The following RHOBTB1 variants were observed in gnomAD, a reference collection of about 807,000 sequenced individuals.
RHOBTB1 encodes rho-related BTB domain-containing protein 1.
A neutral mutation model predicts 71.6 loss-of-function variants in RHOBTB1; 40 were observed. The observed-to-expected ratio is 0.56, with a 90% CI of 0.43 to 0.73. The LOEUF (loss-of-function observed/expected upper bound fraction) is 0.73, where lower values mean the gene tolerates loss of function less well. RHOBTB1 is among the 30% of genes least tolerant of loss of function. The probability of loss-of-function intolerance (pLI) is 0.00; values close to 1 mark genes in which losing one functional copy is unlikely to be tolerated. For missense variants in RHOBTB1, 797 were observed against 894.0 expected (o/e 0.89, Z 1.38); for synonymous variants, 319 against 334.9 (o/e 0.95, Z 0.52).
intron 2 of RHOBTB1, among the ~76,000 whole-genome samples, chr10:60,922,772 G>A (rs1438039418): frequency 6.6e-6 from 1 of 152,182 alleles, no homozygotes; most frequent in Admixed American, 6.5e-5. Flanking sequence ...AGAGAACAAA[G>A]TATGGAAAAA....
chr10:60,893,166 C>T (rs2082005196), intron 4 of RHOBTB1, among the ~76,000 whole-genome samples, 171 bp from the exon 5 acceptor site: 1 of 151,614 alleles, frequency 6.6e-6, no homozygotes, highest in Non-Finnish European at 1.5e-5. Flanking sequence ...GCCTGATAAG[C>T]CCCCACATTC....
At chr10:60,981,661 A>G (rs1028534610) in intron 2 of RHOBTB1, among the ~76,000 whole-genome samples, 3 of 152,194 alleles carry the variant, frequency 2.0e-5, no homozygotes, top group Admixed American at 2.0e-4. Context: ...TTTCTGAGCC[A>G]TTTGTCCAAA....
chr10:60,915,175 G>A (rs1053963921), intron 2 of RHOBTB1, among the ~76,000 whole-genome samples: 7 of 152,110 alleles, frequency 4.6e-5, no homozygotes, highest in African/African-American at 1.7e-4. Flanking sequence ...TTAAATTATG[G>A]TAGTAATTAT....
intron 2 of RHOBTB1, among the ~76,000 whole-genome samples, chr10:60,927,210 C>CA (rs2083936878): frequency 6.6e-6 from 1 of 152,032 alleles, no homozygotes; most frequent in African/African-American, 2.4e-5. Context: ...ATTAAGGACA[C>CA]AAAAAATGGA....
In RHOBTB1 at chr10:60,892,854, A is replaced by C. The variant is rs1410985860; in HGVS notation, c.438T>G (p.Tyr146Ter). The stretch of plus-strand genomic sequence containing the variant: ...CTCGATTAACAGCTTCCAGGTCGGC[A>C]TAGCGGAGATCAAGCTGGCACCCAA... ...ILVGCQLDLR[Y>*]ADLEAVNRAR... The change falls in exon 5 of 11, where the codon TAT (tyrosine) becomes TAG (stop). Residue 146 changes from tyrosine (Y) to a stop codon, truncating the protein, a stop_gained. Coordinates refer to ENST00000337910, the MANE Select transcript of RHOBTB1 (RefSeq NM_014836.5). LOFTEE classifies it high-confidence loss of function. The C allele has an allele frequency of 6.2e-7, 1 of 1,613,878 alleles. No homozygotes were observed. Among genetic ancestry groups the C allele is most frequent in the East Asian group, 2.2e-5 (1 of 44,886 alleles).
intron 2 of RHOBTB1, among the ~76,000 whole-genome samples, chr10:60,975,619 C>G (rs551734731): frequency 6.6e-6 from 1 of 152,138 alleles, no homozygotes; most frequent in South Asian, 2.1e-4. Context: ...TAACATTCTC[C>G]ACGTGCTGTT....
At chr10:60,909,029 T>G (rs2082828529) in intron 4 of RHOBTB1, among the ~76,000 whole-genome samples, 1 of 152,158 alleles carries the variant, frequency 6.6e-6, no homozygotes, top group South Asian at 2.1e-4. Flanking sequence ...AGCAGAACAA[T>G]GCACTTTGAA....
upstream of RHOBTB1, among the ~76,000 whole-genome samples, chr10:60,946,113 G>T (rs1565106420): frequency 6.6e-6 from 1 of 151,924 alleles, no homozygotes; most frequent in South Asian, 2.1e-4. Flanking sequence ...GGGAGGCGGA[G>T]GTTGCAGTGA....
At position 60,964,736 on chromosome 10, in the gene RHOBTB1, T is replaced by C. The variant is rs536826758; in HGVS notation, c.-62+21109A>G. ...TTTTAGTCTTTCTTAATGAAGTTAG[T>C]TTGTATAGAGAAAAATATGCGAAAA... On this transcript the variant is annotated intron_variant, in intron 2 of 11. Coordinates refer to the RHOBTB1 transcript ENST00000357917. Among the ~76,000 whole-genome samples the C allele has an allele frequency of 2.6e-5, 4 of 152,184 alleles. No individual in the cohort carries two copies. In the South Asian group the frequency reaches 8.3e-4, roughly 32 times the overall value.
At chr10:60,996,501 C>A (rs1163918959) in intron 1 of RHOBTB1, among the ~76,000 whole-genome samples, 1 of 152,156 alleles carries the variant, frequency 6.6e-6, no homozygotes, top group Non-Finnish European at 1.5e-5. Flanking sequence ...GCCTCGCTGT[C>A]CACCATTGTA....
At chr10:60,867,629 A>G (rs2080642121), downstream of RHOBTB1, among the ~76,000 whole-genome samples, 1 of 152,238 alleles carries the variant, frequency 6.6e-6, no homozygotes, top group African/African-American at 2.4e-5. Context: ...TTCATATTTC[A>G]TAGACTACAG....
At chr10:60,904,304 T>C (rs921295346) in intron 4 of RHOBTB1, among the ~76,000 whole-genome samples, 12 of 152,182 alleles carry the variant, frequency 7.9e-5, no homozygotes, top group African/African-American at 2.9e-4. Flanking sequence ...CAAATTTGCA[T>C]ATTTATTGTT....
chr10:60,947,852 G>T (rs1046805015), upstream of RHOBTB1, among the ~76,000 whole-genome samples: 1 of 152,168 alleles, frequency 6.6e-6, no homozygotes, highest in Non-Finnish European at 1.5e-5. Context: ...GAATACTGAA[G>T]AATGCAATTG....
At chr10:60,931,707 G>A (rs2084266436) in intron 2 of RHOBTB1, among the ~76,000 whole-genome samples, 1 of 151,916 alleles carries the variant, frequency 6.6e-6, no homozygotes, top group Admixed American at 6.6e-5. Flanking sequence ...AAAACTATAT[G>A]TATATATAAA....
In RHOBTB1 at chr10:60,904,946, T is replaced by A. The variant is rs112210848; in HGVS notation, c.296+5941A>T. 7.8e-3 allele frequency among the ~76,000 whole-genome samples: 1,191 copies of A among 152,334 alleles called. 11 individuals are homozygous for A. The highest frequency in any genetic ancestry group is 0.027 in the African/African-American group (1,139 of 41,586). On this transcript the variant is annotated intron_variant, in intron 4 of 10. Transcript: ENST00000337910. The stretch of plus-strand genomic sequence containing the variant: ...CCAGTAATAATTTTCCAAGACCTCT[T>A]GGTACCATATATTTAAAAGTGTGGT...
intron 1 of RHOBTB1, among the ~76,000 whole-genome samples, chr10:60,996,616 G>C (rs370344406): frequency 2.6e-5 from 4 of 152,052 alleles, no homozygotes; most frequent in African/African-American, 9.7e-5. Flanking sequence ...TGTGCCATGG[G>C]GGCATTTTTC....
chr10:60,874,073 C>T (rs972700345), intron 9 of RHOBTB1, among the ~76,000 whole-genome samples: 2 of 152,236 alleles, frequency 1.3e-5, no homozygotes, highest in African/African-American at 2.4e-5. Flanking sequence ...AAACCACCTC[C>T]TTTCCTTTGA....
intron 2 of RHOBTB1, among the ~76,000 whole-genome samples, chr10:60,978,039 GA>G (rs2086372166): frequency 6.6e-6 from 1 of 152,156 alleles, no homozygotes; most frequent in East Asian, 1.9e-4. Context: ...CTGCTGTGAG[GA>G]AAAATGTATA....
At chr10:60,903,458 G>T (rs1461965192) in intron 4 of RHOBTB1, among the ~76,000 whole-genome samples, 2 of 152,124 alleles carry the variant, frequency 1.3e-5, no homozygotes, top group African/African-American at 2.4e-5. Flanking sequence ...ACAAAACAGA[G>T]GTCACGTGCA....
Sources: gnomAD v4.1 joint callset for allele counts (sites outside exome capture counted in the v4.1 genomes callset) on GRCh38, gnomAD v4.1.1 for gene constraint, MANE v1.5 for transcripts, NCBI Gene and HGNC (gene_info 2026-07-23, HGNC 2026-07-21) for gene names.